The following EPB41L3 variants were observed in gnomAD, a reference collection of about 807,000 sequenced individuals.
EPB41L3 encodes erythrocyte membrane protein band 4.1 like 3.
Under a neutral mutation model 127.1 loss-of-function variants are expected in EPB41L3, and 57 were observed. The ratio of observed to expected loss-of-function variants is 0.45; its 90% CI spans 0.36 to 0.56. EPB41L3 has a LOEUF of 0.56. EPB41L3 is among the 20% of genes least tolerant of loss of function. The pLI, the probability that EPB41L3 is intolerant of heterozygous loss-of-function variation, is 0.00. For missense variants in EPB41L3, 1,273 were observed against 1,372.2 expected, an observed-to-expected ratio of 0.93 and a Z score of 1.14; for synonymous variants, 572 against 549.5, an observed-to-expected ratio of 1.04 and a Z score of -0.57.
chr18:5,626,743 T>A (rs1220954867), intron 1 of EPB41L3, among the ~76,000 whole-genome samples: 3 of 152,254 alleles, frequency 2.0e-5, no homozygotes, highest in Non-Finnish European at 4.4e-5. Flanking sequence ...TGGATCTTTT[T>A]AATAAACCAT....
intron 13 of EPB41L3, among the ~76,000 whole-genome samples, chr18:5,414,459 C>T (rs2076550995): frequency 6.6e-6 from 1 of 152,156 alleles, no homozygotes; most frequent in Non-Finnish European, 1.5e-5. Flanking sequence ...CATAATTCCA[C>T]TAAATATAGA....
intron 3 of EPB41L3, among the ~76,000 whole-genome samples, chr18:5,470,969 G>A (rs536692068): frequency 1.3e-5 from 2 of 152,244 alleles, no homozygotes; most frequent in African/African-American, 4.8e-5. Flanking sequence ...GGACTAAAGT[G>A]GGAAGCTTCC....
upstream of EPB41L3, among the ~76,000 whole-genome samples, chr18:5,544,462 T>A (rs563124130): frequency 2.0e-5 from 3 of 152,226 alleles, no homozygotes; most frequent in East Asian, 5.8e-4. Flanking sequence ...TGTCTTCAAG[T>A]CATGTTAATA....
rs2073047066 is a variant in EPB41L3, at chr18:5,394,723, T to C, written c.3224A>G (p.His1075Arg). 3.1e-6 allele frequency: 5 copies of C among 1,614,210 alleles called. No individual in the cohort carries two copies. The highest frequency in any genetic ancestry group is 4.2e-6 in the Non-Finnish European group (5 of 1,180,022). ...PDMSVTKVVVHKETEITPEDG... is the reference protein window; with the variant it reads ...PDMSVTKVVVRKETEITPEDG... ...TTCTGGTGTGATCTCTGTCTCTTTA[T>C]GGACCACTACTTTGGTCACTGACAT... Residue 1075 changes from histidine to arginine, a missense_variant, in exon 22 of 23, where the codon CAT (histidine) becomes CGT (arginine). Physicochemically the swap from His to Arg is conservative, Grantham distance 29. Transcript: ENST00000341928.
intron 1 of EPB41L3, among the ~76,000 whole-genome samples, chr18:5,625,447 C>A (rs907240699): frequency 8.5e-5 from 13 of 152,058 alleles, no homozygotes; most frequent in African/African-American, 3.1e-4. Context: ...AAGACCAGGT[C>A]TCCCACACAG....
At chr18:5,400,457 T>A (rs768226162) in intron 16 of EPB41L3, 2 of 454,076 alleles carry the variant, frequency 4.4e-6, no homozygotes, top group Non-Finnish European at 8.8e-6. Context: ...TTGATCTACA[T>A]GTTGTTGCTA....
intron 3 of EPB41L3, among the ~76,000 whole-genome samples, chr18:5,447,801 C>T (rs562192072): frequency 3.9e-5 from 6 of 152,298 alleles, no homozygotes; most frequent in Middle Eastern, 3.4e-3. Flanking sequence ...TCTGGTTCCT[C>T]GCAATTTGAT....
intron 1 of EPB41L3, among the ~76,000 whole-genome samples, chr18:5,522,377 G>C (rs1429330404): frequency 6.6e-6 from 1 of 152,076 alleles, no homozygotes; most frequent in Non-Finnish European, 1.5e-5. Context: ...GCCTGTCTCG[G>C]CCTCCCAAAG....
intron 5 of EPB41L3, among the ~76,000 whole-genome samples, chr18:5,441,794 T>G (rs981805232): frequency 2.0e-5 from 3 of 152,192 alleles, no homozygotes; most frequent in Non-Finnish European, 4.4e-5. Flanking sequence ...AATTCCAACT[T>G]TCCTTATCTC....
intron 1 of EPB41L3, among the ~76,000 whole-genome samples, chr18:5,538,840 G>A (rs1481289299): frequency 1.3e-5 from 2 of 152,034 alleles, no homozygotes; most frequent in African/African-American, 4.8e-5. Context: ...TCCCTGATAT[G>A]GCAAAACCTC....
At chr18:5,598,538 C>A (rs1333582727) in intron 3 of EPB41L3, among the ~76,000 whole-genome samples, 2 of 152,096 alleles carry the variant, frequency 1.3e-5, no homozygotes, top group Non-Finnish European at 2.9e-5. Flanking sequence ...TAGGTATAAT[C>A]TACCTAAGCA....
chr18:5,437,715 A>C (rs1271026336), intron 6 of EPB41L3, among the ~76,000 whole-genome samples: 1 of 152,212 alleles, frequency 6.6e-6, no homozygotes, highest in Admixed American at 6.5e-5. Context: ...AAGCAGAAAA[A>C]CTAAGAGCTG....
chr18:5,498,608 A>AAAAAAAAAAAG (rs1448249391), intron 1 of EPB41L3, among the ~76,000 whole-genome samples: 38 of 144,694 alleles, frequency 2.6e-4, no homozygotes, highest in South Asian at 4.4e-4. Flanking sequence ...AAAAAAAAAA[A>AAAAAAAAAAAG]AAAGAAAATG....
intron 3 of EPB41L3, among the ~76,000 whole-genome samples, chr18:5,584,981 T>A (rs1353035875): frequency 6.6e-6 from 1 of 152,228 alleles, no homozygotes; most frequent in African/African-American, 2.4e-5. Context: ...GGTTGCCTTG[T>A]GTAGAGGAGG....
At chr18:5,507,441 T>A (rs980056292) in intron 1 of EPB41L3, among the ~76,000 whole-genome samples, 1 of 150,192 alleles carries the variant, frequency 6.7e-6, no homozygotes, top group Non-Finnish European at 1.5e-5. Flanking sequence ...CTGTTGCCAA[T>A]TGGTATCAGT....
intron 9 of EPB41L3, among the ~76,000 whole-genome samples, chr18:5,425,781 A>C (rs1203544006): frequency 6.6e-6 from 1 of 152,160 alleles, no homozygotes; most frequent in Admixed American, 6.6e-5. Flanking sequence ...TTATGCCAGC[A>C]CCACAACCCC....
chr18:5,414,419 AT>A (rs34752534), intron 13 of EPB41L3, among the ~76,000 whole-genome samples: 11,174 of 149,920 alleles, frequency 0.075, 785 homozygotes, highest in African/African-American at 0.19. Flanking sequence ...GACCATTCAC[AT>A]TTTTTTCCTT....
At chr18:5,490,229 GAGTA>G (rs1434982166) in intron 1 of EPB41L3, among the ~76,000 whole-genome samples, 1 of 152,150 alleles carries the variant, frequency 6.6e-6, no homozygotes, top group Non-Finnish European at 1.5e-5. Context: ...TAGGTATATG[GAGTA>G]AGTATCTCAA....
chr18:5,480,843 G>C (rs1245001574), intron 2 of EPB41L3: 1 of 152,056 alleles, frequency 6.6e-6, no homozygotes, highest in Non-Finnish European at 1.5e-5. Flanking sequence ...TCTAGGTATA[G>C]ATATTCATAC....
Sources: allele counts gnomAD v4.1 joint callset (sites outside exome capture counted in the v4.1 genomes callset), GRCh38; gene constraint gnomAD v4.1.1; transcripts MANE v1.5; gene names NCBI Gene and HGNC (gene_info 2026-07-23, HGNC 2026-07-21).